Variants in LRP2 observed in about 807,000 individuals in gnomAD.
LRP2 encodes LDL receptor related protein 2.
Under a neutral mutation model 531.0 loss-of-function variants are expected in LRP2, and 172 were observed. The observed-to-expected ratio is 0.32, with a 90% CI of 0.29 to 0.37. The LOEUF is 0.37. LRP2 is among the 10% of genes least tolerant of loss of function. The pLI, the probability that LRP2 is intolerant of heterozygous loss-of-function variation, is 1.00. For synonymous variants in LRP2, 1,992 were observed against 2,027.6 expected (o/e 0.98, Z 0.47); for missense variants, 5,167 against 5,868.3 (o/e 0.88, Z 3.90).
At chr2:169,177,384 A>G (rs1232309619) in intron 53 of LRP2, among the ~76,000 whole-genome samples, 4 of 152,228 alleles carry the variant, frequency 2.6e-5, no homozygotes, top group Non-Finnish European at 5.9e-5. Flanking sequence ...GATAAGAATA[A>G]TATCTAATTT....
At chr2:169,255,725 G>C (rs1559041560) in intron 19 of LRP2, among the ~76,000 whole-genome samples, 1 of 152,114 alleles carries the variant, frequency 6.6e-6, no homozygotes, top group Non-Finnish European at 1.5e-5. Flanking sequence ...ATAATGAAAT[G>C]CTACAATGAT....
chr2:169,168,703 A>G (rs780222737), intron 60 of LRP2, 27 bp from the exon 61 acceptor site: 1 of 1,613,594 alleles, frequency 6.2e-7, no homozygotes, highest in Non-Finnish European at 8.5e-7. Context: ...AAACATATTC[A>G]AATTATTATA....
At chr2:169,196,090 G>A (rs529627295) in intron 46 of LRP2, among the ~76,000 whole-genome samples, 11 of 152,110 alleles carry the variant, frequency 7.2e-5, no homozygotes, top group Admixed American at 4.6e-4. Context: ...ATGAAGACAA[G>A]GACGAGCAAA....
At chr2:169,215,011 C>A (rs945130278) in intron 35 of LRP2, among the ~76,000 whole-genome samples, 2 of 152,314 alleles carry the variant, frequency 1.3e-5, no homozygotes, top group Middle Eastern at 6.8e-3. Flanking sequence ...ACACCACTAA[C>A]AAGCACGTAG....
intron 16 of LRP2, among the ~76,000 whole-genome samples, chr2:169,266,192 G>A (rs1299293411): frequency 6.6e-6 from 1 of 151,910 alleles, no homozygotes; most frequent in African/African-American, 2.4e-5. Context: ...GGGGAGGGAA[G>A]TCAGAAGCTG....
At chr2:169,234,496 A>G (rs1420458688) in intron 29 of LRP2, among the ~76,000 whole-genome samples, 1 of 152,204 alleles carries the variant, frequency 6.6e-6, no homozygotes, top group African/African-American at 2.4e-5. Flanking sequence ...TTATGGCTGC[A>G]TAGTAGTCCA....
In LRP2 at chr2:169,220,610, C is replaced by T. The variant is rs759231689; in HGVS notation, c.5539-47G>A. 1.0e-5 allele frequency: 13 copies of T among 1,271,204 alleles called. No homozygotes were observed. In the African/African-American group the frequency reaches 1.9e-4, roughly 19 times the overall value. 78.7% of individuals were successfully genotyped at this position (1,271,204 alleles called of 1,614,324 possible). A position where few individuals can be genotyped will look rare whatever the true frequency, so the allele number is the denominator to read the frequency against. ...TAGAACTGACTTTCATAAGGGGAACCAAAGGAAACTGAGATGAAGGAGAAC... is the reference window on the plus strand; with the variant it reads ...TAGAACTGACTTTCATAAGGGGAACTAAAGGAAACTGAGATGAAGGAGAAC... On this transcript the variant is annotated intron_variant, in intron 33 of 78. Transcript: ENST00000649046.
chr2:169,304,906 C>T (rs1190895589), intron 4 of LRP2, among the ~76,000 whole-genome samples: 2 of 152,072 alleles, frequency 1.3e-5, no homozygotes, highest in South Asian at 4.2e-4. Context: ...AAGTTCATGT[C>T]TTTTACAAGG....
In LRP2 at chr2:169,238,442, G is replaced by A. The variant is rs74384236; in HGVS notation, c.4295-140C>T. 5.6e-3 allele frequency: 3,725 copies of A among 669,450 alleles called. 85 individuals carry two copies. The African/African-American group carries it at 0.06, about 11-fold the overall frequency. The allele number at this position is 669,450 out of a possible 1,614,324, so 41.5% of individuals were successfully genotyped here. A position where few individuals can be genotyped will look rare whatever the true frequency, so the allele number is the denominator to read the frequency against. ...TATAGTAAGTTGGTGGGGAGGGGAG[G>A]AAGCCCCATATGAATGATTTTAATC... On this transcript the variant is annotated intron_variant, in intron 26 of 78. Transcript: ENST00000649046.
At position 169,223,090 on chromosome 2, in the gene LRP2, T is replaced by C. The variant is rs370495202; in HGVS notation, c.5538+2220A>G. 1.8e-4 allele frequency among the ~76,000 whole-genome samples: 28 copies of C among 152,298 alleles called. 1 individual carries two copies. The East Asian group carries it at 2.1e-3, about 12-fold the overall frequency. ...TCTTAGGATATCCAGGATCAACTGA[T>C]CCATAGAAAGCATTTCCTAGTGCTC... On this transcript the variant is annotated intron_variant, in intron 33 of 78. Coordinates refer to ENST00000649046, the MANE Select transcript of LRP2 (RefSeq NM_004525.3).
intron 1 of LRP2, among the ~76,000 whole-genome samples, chr2:169,361,450 T>TC (rs1283220465): frequency 1.3e-5 from 2 of 149,018 alleles, no homozygotes; most frequent in African/African-American, 4.9e-5. Flanking sequence ...GTCGTTCTCT[T>TC]CCCTCCTTCT....
At chr2:169,361,787 T>C (rs935947489) in intron 1 of LRP2, among the ~76,000 whole-genome samples, 8 of 152,122 alleles carry the variant, frequency 5.3e-5, no homozygotes, top group Non-Finnish European at 1.0e-4. Flanking sequence ...GGCTCGTAAA[T>C]GATCTGTATG....
chr2:169,317,451 G>C lies in LRP2; in HGVS notation c.310+1311C>G, dbSNP rs568631507. The stretch of plus-strand genomic sequence containing the variant: ...GGATGCAAATTTTGAGACTTGAGCA[G>C]CTTTTATGCAATCAAGAAAGGCCAA... On this transcript the variant is annotated intron_variant, in intron 3 of 78. Transcript: ENST00000649046. Among the ~76,000 whole-genome samples, 5 of 152,280 alleles carry C rather than the reference G, an allele frequency of 3.3e-5. No individual in the cohort carries two copies. In the East Asian group the frequency reaches 9.6e-4, roughly 29 times the overall value.
At chr2:169,157,545 A>G (rs1281838464) in intron 63 of LRP2, 43 bp from the exon 64 acceptor site, 1 of 1,607,824 alleles carries the variant, frequency 6.2e-7, no homozygotes, top group Non-Finnish European at 8.5e-7. Flanking sequence ...ATCAGCCACA[A>G]ATAACAGTCA....
At chr2:169,355,969 T>C (rs1291907970) in intron 1 of LRP2, among the ~76,000 whole-genome samples, 2 of 152,152 alleles carry the variant, frequency 1.3e-5, no homozygotes, top group African/African-American at 2.4e-5. Context: ...CAGCTCACTG[T>C]AGCCTCGACC....
chr2:169,169,760 AC>A lies in LRP2; in HGVS notation c.11438del (p.Ser3813MetfsTer3). Reference protein sequence around the residue: ...FQCTSGHCVHSELKCDGSADC... With the variant: ...FQCTSGHCVHXELKCDGSADC... ...CAGCGGATCCATCGCATTTCAGTTC[AC>A]TGTGTACACAATGTCCACTTGTACA... On this transcript the variant is annotated frameshift_variant, in exon 60 of 79. Transcript: ENST00000649046. LOFTEE classifies it high-confidence loss of function. The A allele has an allele frequency of 1.2e-6, 2 of 1,614,188 alleles. No homozygotes were observed. Among genetic ancestry groups the A allele is most frequent in the Non-Finnish European group, 1.7e-6 (2 of 1,180,002 alleles).
intron 9 of LRP2, among the ~76,000 whole-genome samples, chr2:169,287,074 C>T (rs1437620539): frequency 6.6e-6 from 1 of 152,154 alleles, no homozygotes; most frequent in African/African-American, 2.4e-5. Context: ...TGCCCCTTTG[C>T]GCAGGGCTGC....
chr2:169,200,524 G>A (rs1348307470), intron 44 of LRP2, among the ~76,000 whole-genome samples: 1 of 152,068 alleles, frequency 6.6e-6, no homozygotes, highest in Non-Finnish European at 1.5e-5. Flanking sequence ...GCCTAAGTTT[G>A]GACAACTGGG....
chr2:169,230,982 T>C (rs1326099490), intron 31 of LRP2, among the ~76,000 whole-genome samples: 3 of 152,082 alleles, frequency 2.0e-5, no homozygotes, highest in Admixed American at 6.6e-5. Context: ...TCATTAACTA[T>C]TGGTTATAAG....
Sources: allele counts gnomAD v4.1 joint callset (sites outside exome capture counted in the v4.1 genomes callset), GRCh38; gene constraint gnomAD v4.1.1; transcripts MANE v1.5; gene names NCBI Gene and HGNC (gene_info 2026-07-23, HGNC 2026-07-21).